The following GRIP2 variants were observed in gnomAD, a reference collection of about 807,000 sequenced individuals.
GRIP2 encodes glutamate receptor-interacting protein 2.
GRIP2 carries 58 observed loss-of-function variants against 108.3 expected under a neutral mutation model. The observed-to-expected ratio is 0.54, with a 90% CI of 0.43 to 0.67. The LOEUF (loss-of-function observed/expected upper bound fraction) is 0.67, where lower values mean the gene tolerates loss of function less well. GRIP2 is among the 30% of genes least tolerant of loss of function. GRIP2 has a pLI of 0.00. For missense variants in GRIP2, 1,278 were observed against 1,430.6 expected, an observed-to-expected ratio of 0.89 and a Z score of 1.72; for synonymous variants, 586 against 598.2, an observed-to-expected ratio of 0.98 and a Z score of 0.30.
the GRIP2 span, among the ~76,000 whole-genome samples, chr3:14,586,778 G>A: frequency 6.6e-6 from 1 of 152,240 alleles, no homozygotes; most frequent in Non-Finnish European, 1.5e-5. Context: ...GCCCAGTGCT[G>A]AGACAACCTT....
the GRIP2 span, chr3:14,573,657 A>G: frequency 1.3e-6 from 2 of 1,500,818 alleles, no homozygotes; most frequent in Non-Finnish European, 1.8e-6. Flanking sequence ...CATGTGGGGA[A>G]GGTTGGTGTG....
chr3:14,532,755 C>A (rs529310252), intron 1 of GRIP2, among the ~76,000 whole-genome samples: 2 of 151,424 alleles, frequency 1.3e-5, no homozygotes, highest in African/African-American at 4.9e-5. Context: ...CAGACTGAGT[C>A]GGAGGTGGGG....
chr3:14,547,653 G>A (rs1032989754), intron 1 of GRIP2, among the ~76,000 whole-genome samples: 3 of 152,162 alleles, frequency 2.0e-5, no homozygotes, highest in African/African-American at 4.8e-5. Context: ...GCGCTCCTGG[G>A]TGAGGGGTCA....
intron 12 of GRIP2, 126 bp from the exon 13 acceptor site, chr3:14,513,936 C>T (rs921888073): frequency 1.1e-5 from 13 of 1,133,066 alleles, no homozygotes; most frequent in Non-Finnish European, 1.6e-5. Context: ...CTCAGCTCTG[C>T]CCTGGCCCAC....
At chr3:14,562,737 GAGGCA>G in the GRIP2 span, among the ~76,000 whole-genome samples, 1 of 32,968 alleles carries the variant, frequency 3.0e-5, no homozygotes, top group Non-Finnish European at 6.6e-5. Flanking sequence ...TCGGACTCCC[GAGGCA>G]GACGGTCCTC....
upstream of GRIP2, among the ~76,000 whole-genome samples, chr3:14,542,498 A>T (rs991995004): frequency 2.7e-5 from 4 of 150,124 alleles, no homozygotes; most frequent in African/African-American, 4.8e-5. Context: ...CTTAAAAAAA[A>T]TTTGCTCTCC....
chr3:14,598,226 G>A, the GRIP2 span, among the ~76,000 whole-genome samples: 1 of 151,738 alleles, frequency 6.6e-6, no homozygotes, highest in African/African-American at 2.4e-5. Context: ...CTCTGCTTGC[G>A]GTTCTGACAG....
rs770975337 is a variant in GRIP2, at chr3:14,503,644, C to T, written c.2601G>A (p.Glu867=). 2 of 1,610,220 alleles carry T rather than the reference C, an allele frequency of 1.2e-6. No individual in the cohort carries two copies. The highest frequency in any genetic ancestry group is 2.2e-5 in the East Asian group (1 of 44,754). ...TSPAPGPARE[E]GFWRMFGEAL... is the part of the protein sequence containing the mutation. ...CTTCTCCAAACATGCGCCAGAAGCC[C>T]TCCTCTCGGGCAGGGCCAGGGGCTG... is the stretch of plus-strand genomic sequence containing the variant. Residue 867 remains glutamate, a synonymous_variant, in exon 21 of 24, where the codon GAG becomes GAA. Coordinates refer to ENST00000621039, the MANE Select transcript of GRIP2 (RefSeq NM_001080423.4).
chr3:14,519,084 G>GT (rs1553597089), intron 9 of GRIP2, among the ~76,000 whole-genome samples: 1 of 152,204 alleles, frequency 6.6e-6, no homozygotes, highest in Non-Finnish European at 1.5e-5. Flanking sequence ...TGCAGGCCGC[G>GT]GCACCGAACC....
chr3:14,508,493 G>A (rs1693991270), intron 17 of GRIP2, among the ~76,000 whole-genome samples: 1 of 152,204 alleles, frequency 6.6e-6, no homozygotes, highest in African/African-American at 2.4e-5. Context: ...AGGGTCAGGG[G>A]TCTTTAACCT....
intron 22 of GRIP2, 87 bp from the exon 23 acceptor site, chr3:14,495,076 T>G (rs1205749789): frequency 6.5e-7 from 1 of 1,528,520 alleles, no homozygotes; most frequent in Non-Finnish European, 8.9e-7. Flanking sequence ...GGTCTGGCAT[T>G]CAGCGCCTCT....
At chr3:14,526,822 G>A (rs189565160) in intron 1 of GRIP2, among the ~76,000 whole-genome samples, 1 of 152,222 alleles carries the variant, frequency 6.6e-6, no homozygotes, top group African/African-American at 2.4e-5. Flanking sequence ...CATAAAGAAG[G>A]TAGAACAGTA....
At chr3:14,543,752 GCCC>G, upstream of GRIP2, among the ~76,000 whole-genome samples, 1 of 152,360 alleles carries the variant, frequency 6.6e-6, no homozygotes, top group South Asian at 2.1e-4. Flanking sequence ...GGGCTGAGCA[GCCC>G]AGGGGAGATG....
chr3:14,496,463 G>A lies in GRIP2; in HGVS notation c.2777C>T (p.Ala926Val), dbSNP rs769399133. The change falls in exon 22 of 24, where the codon GCA (alanine) becomes GTA (valine). Residue 926 changes from alanine to valine, a missense_variant. Physicochemically the swap from Ala to Val is moderately conservative, Grantham distance 64. Coordinates refer to ENST00000621039, the MANE Select transcript of GRIP2 (RefSeq NM_001080423.4). ...QRGREVRASP[A>V]EMEELLLPTP... Reference sequence around the variant, plus strand: ...AGGCAGCAACAGCTCCTCCATTTCTGCAGGAGAGGCTCGTACCTCCCGGCC... The same window carrying A: ...AGGCAGCAACAGCTCCTCCATTTCTACAGGAGAGGCTCGTACCTCCCGGCC... 78 of 1,612,676 alleles carry A rather than the reference G, an allele frequency of 4.8e-5. 4 individuals carry two copies. The South Asian group carries it at 8.5e-4, about 18-fold the overall frequency.
At chr3:14,600,555 C>T in the GRIP2 span, among the ~76,000 whole-genome samples, 1 of 152,168 alleles carries the variant, frequency 6.6e-6, no homozygotes, top group African/African-American at 2.4e-5. Flanking sequence ...CAAAACATCC[C>T]TCCCGCTGGC....
At chr3:14,541,858 C>T (rs763040711), upstream of GRIP2, 26 of 1,315,922 alleles carry the variant, frequency 2.0e-5, no homozygotes, top group South Asian at 3.7e-5. Context: ...CATGCAGGGA[C>T]GGGGGTACAC....
chr3:14,491,399 G>C lies in GRIP2; in HGVS notation c.*2266C>G, dbSNP rs1701332532. The C allele has an allele frequency of 6.6e-6, 1 of 152,270 alleles. No individual in the cohort carries two copies. The highest frequency in any genetic ancestry group is 1.5e-5 in the Non-Finnish European group (1 of 68,066). 9.4% of individuals were successfully genotyped at this position (152,270 alleles called of 1,614,324 possible). On this transcript the variant is annotated 3_prime_UTR_variant, in exon 24 of 24. Transcript: ENST00000621039. ...CAGAGAAAAATACAGCTTTGGGGGA[G>C]AGGGCAGGTGGAAGGGGACATGTCA...
At chr3:14,569,609 G>C in the GRIP2 span, among the ~76,000 whole-genome samples, 1 of 152,306 alleles carries the variant, frequency 6.6e-6, no homozygotes, top group Admixed American at 6.5e-5. Flanking sequence ...TGGGGAACCA[G>C]TTGTTTCCCA....
At chr3:14,533,345 A>G (rs970937161) in intron 1 of GRIP2, among the ~76,000 whole-genome samples, 1 of 152,122 alleles carries the variant, frequency 6.6e-6, no homozygotes, top group South Asian at 2.1e-4. Flanking sequence ...ATCCCTCTCT[A>G]TCTCCAGCTG....
Sources: gnomAD v4.1 joint callset for allele counts (sites outside exome capture counted in the v4.1 genomes callset) on GRCh38, gnomAD v4.1.1 for gene constraint, MANE v1.5 for transcripts, NCBI Gene and HGNC (gene_info 2026-07-23, HGNC 2026-07-21) for gene names.